The following ZMYND11 variants were observed in gnomAD, a reference collection of about 807,000 sequenced individuals.
ZMYND11 encodes zinc finger MYND-type containing 11.
A neutral mutation model predicts 84.9 loss-of-function variants in ZMYND11; 9 were observed. The ratio of observed to expected loss-of-function variants is 0.11; its 90% CI spans 0.06 to 0.18. The LOEUF is 0.18. Among genes scored for constraint, ZMYND11 ranks in the 10% least tolerant of loss-of-function variants. ZMYND11 has a pLI of 1.00. For missense variants in ZMYND11, 409 were observed against 761.0 expected (o/e 0.54, Z 5.44); for synonymous variants, 250 against 244.1 (o/e 1.02, Z -0.23).
At chr10:234,558 G>A (rs1949593942) in intron 4 of ZMYND11, among the ~76,000 whole-genome samples, 1 of 152,150 alleles carries the variant, frequency 6.6e-6, no homozygotes, top group Non-Finnish European at 1.5e-5. Flanking sequence ...TTCTAACCTG[G>A]TGTAGATTGC....
At chr10:239,628 C>A in intron 7 of ZMYND11, 103 bp downstream of exon 7, 2 of 831,140 alleles carry the variant, frequency 2.4e-6, no homozygotes, top group South Asian at 3.5e-5. Flanking sequence ...GAATTAATAC[C>A]TTAATGATCT....
Position 252,290 on chromosome 10 carries a change from C to G in ZMYND11, c.1687-58C>G. 6.3e-7 allele frequency: 1 copy of G among 1,592,372 alleles called. No homozygotes were observed. The highest frequency in any genetic ancestry group is 8.6e-7 in the Non-Finnish European group (1 of 1,168,056). ...CCACCTCAAGAGTTTGCCATTTTAA[C>G]CAGTCGCTTACACATCCACACCCAA... On this transcript the variant is annotated intron_variant, in intron 14 of 14. Transcript: ENST00000381604. The surrounding 1 kb of genome is among the most constrained non-coding windows in gnomAD (Gnocchi z 4.6).
chr10:249,127 T>G, intron 14 of ZMYND11, 39 bp downstream of exon 14: 2 of 1,613,208 alleles, frequency 1.2e-6, no homozygotes, highest in African/African-American at 1.3e-5. Flanking sequence ...TTTCTGAAAA[T>G]GTACCACAGG....
chr10:229,613 C>T (rs1948666219), intron 4 of ZMYND11, among the ~76,000 whole-genome samples: 1 of 152,100 alleles, frequency 6.6e-6, no homozygotes, highest in South Asian at 2.1e-4. Context: ...GTGTGATGTA[C>T]TGTTCTTCAG....
chr10:169,416 A>G (rs1844759249), intron 1 of ZMYND11, among the ~76,000 whole-genome samples: 1 of 152,196 alleles, frequency 6.6e-6, no homozygotes, highest in African/African-American at 2.4e-5. Context: ...CCTACTAAAA[A>G]GCAAAAAACA....
At chr10:140,242 G>A (rs1186929439) in intron 1 of ZMYND11, among the ~76,000 whole-genome samples, 1 of 152,170 alleles carries the variant, frequency 6.6e-6, no homozygotes, top group African/African-American at 2.4e-5. Flanking sequence ...GATAATGTGA[G>A]GGAGATAAGA....
rs1343689230 is a variant in ZMYND11, at chr10:135,914, C to T, written c.-20+355C>T. On this transcript the variant is annotated intron_variant, in intron 1 of 14. Coordinates refer to ENST00000381604, the MANE Select transcript of ZMYND11 (RefSeq NM_001370100.5). The surrounding 1 kb of genome is among the most constrained non-coding windows in gnomAD (Gnocchi z 5.6). ...GCGGAGTCGCGTGAGCACCGCCCGC[C>T]GGGCCCTGTGCCCCGCTTTCGGTCA... 6.6e-6 allele frequency among the ~76,000 whole-genome samples: 1 copy of T among 151,384 alleles called. No individual in the cohort carries two copies.
intron 2 of ZMYND11, among the ~76,000 whole-genome samples, chr10:193,837 A>T (rs1366484095): frequency 2.0e-5 from 3 of 152,198 alleles, no homozygotes; most frequent in Non-Finnish European, 4.4e-5. Context: ...ATTATTTTCC[A>T]TGATAATCTT....
chr10:235,321 G>A (rs1949763627), intron 4 of ZMYND11, among the ~76,000 whole-genome samples: 1 of 152,042 alleles, frequency 6.6e-6, no homozygotes, highest in Non-Finnish European at 1.5e-5. Flanking sequence ...CCTCCTTCAT[G>A]TGGCTGTGTC....
intron 1 of ZMYND11, among the ~76,000 whole-genome samples, chr10:152,785 A>G (rs1218219412): frequency 6.6e-6 from 1 of 152,238 alleles, no homozygotes; most frequent in Non-Finnish European, 1.5e-5. Context: ...CGTTGCACTT[A>G]TTCCAAAATT....
chr10:203,827 C>T (rs1943665184), intron 2 of ZMYND11, among the ~76,000 whole-genome samples: 1 of 152,118 alleles, frequency 6.6e-6, no homozygotes, highest in Non-Finnish European at 1.5e-5. Context: ...CTCTAGAACT[C>T]TTTTGTGCAC....
chr10:225,638 A>G (rs1947990795), intron 4 of ZMYND11, among the ~76,000 whole-genome samples: 1 of 152,174 alleles, frequency 6.6e-6, no homozygotes, highest in African/African-American at 2.4e-5. Flanking sequence ...ATGTGCCACC[A>G]TACCGGCTGT....
intron 4 of ZMYND11, among the ~76,000 whole-genome samples, chr10:236,287 T>G (rs891513261): frequency 6.6e-6 from 1 of 152,248 alleles, no homozygotes; most frequent in African/African-American, 2.4e-5. Flanking sequence ...TGCAATAAAT[T>G]GAGGAACCTA....
intron 4 of ZMYND11, among the ~76,000 whole-genome samples, chr10:231,091 C>A (rs1948952011): frequency 6.6e-6 from 1 of 152,166 alleles, no homozygotes; most frequent in Non-Finnish European, 1.5e-5. Context: ...TTTATCGGAA[C>A]ACAGCCACAC....
Position 252,489 on chromosome 10 carries a change from T to A in ZMYND11, c.*19T>A. On this transcript the variant is annotated 3_prime_UTR_variant, in exon 15 of 15. Coordinates refer to ENST00000381604, the MANE Select transcript of ZMYND11 (RefSeq NM_001370100.5). This position sits in a 1 kb window ranked among gnomAD's most constrained non-coding sequence, Gnocchi z 4.6. ...AAGATGAAGCTGGCCCTTCCCGGAG[T>A]CACCCCGATGATTACTCTTTTCAGA... 1 of 1,604,608 alleles carries A rather than the reference T, an allele frequency of 6.2e-7. No homozygotes were observed. Among genetic ancestry groups the A allele is most frequent in the South Asian group, 1.1e-5 (1 of 90,722 alleles).
intron 2 of ZMYND11, among the ~76,000 whole-genome samples, chr10:206,392 T>TTAA (rs1944181169): frequency 6.6e-6 from 1 of 152,336 alleles, no homozygotes; most frequent in South Asian, 2.1e-4. Flanking sequence ...CTCTGTCTTA[T>TTAA]TAGTTAGGTC....
chr10:233,435 T>A (rs1949372220), intron 4 of ZMYND11, among the ~76,000 whole-genome samples: 2 of 152,176 alleles, frequency 1.3e-5, no homozygotes. Context: ...TTCTAGAACT[T>A]TTTAGAAGTA....
chr10:234,766 TTTCTC>T (rs1398488492), intron 4 of ZMYND11, among the ~76,000 whole-genome samples: 1 of 152,188 alleles, frequency 6.6e-6, no homozygotes, highest in Admixed American at 6.5e-5. Context: ...CTTCTTACGT[TTTCTC>T]TTCCCTGTAT....
intron 3 of ZMYND11, among the ~76,000 whole-genome samples, chr10:211,152 G>A (rs1945144076): frequency 1.3e-5 from 2 of 151,600 alleles, no homozygotes; most frequent in South Asian, 2.1e-4. Context: ...TGGTCATGCC[G>A]CTGCTGTACT....
Sources: allele counts gnomAD v4.1 joint callset (sites outside exome capture counted in the v4.1 genomes callset), GRCh38; gene constraint gnomAD v4.1.1; non-coding constraint Gnocchi (gnomAD v3.1); transcripts MANE v1.5; gene names NCBI Gene and HGNC (gene_info 2026-07-23, HGNC 2026-07-21).